Variants in RAB10 observed in about 807,000 individuals in gnomAD.
RAB10 encodes ras-related protein Rab-10.
Under a neutral mutation model 25.7 loss-of-function variants are expected in RAB10, and 5 were observed. The ratio of observed to expected loss-of-function variants is 0.19; its 90% confidence interval spans 0.10 to 0.41. RAB10 has a LOEUF of 0.41. Ranked by LOEUF, RAB10 falls within the 10% of genes least tolerant of loss-of-function variation. RAB10 has a pLI of 1.00. For missense variants in RAB10, 103 were observed against 245.8 expected, an observed-to-expected ratio of 0.42 and a Z score of 3.89; for synonymous variants, 89 against 86.4, an observed-to-expected ratio of 1.03 and a Z score of -0.16.
intron 1 of RAB10, 63 bp from the exon 2 acceptor site, chr2:26,098,599 T>G (rs1488835068): frequency 8.0e-7 from 1 of 1,255,778 alleles, no homozygotes; most frequent in Non-Finnish European, 1.1e-6. Flanking sequence ...TTTACTGTGA[T>G]TAATTTTAGT....
intron 1 of RAB10, among the ~76,000 whole-genome samples, chr2:26,043,463 A>C (rs747294232): frequency 2.0e-5 from 3 of 152,172 alleles, no homozygotes. Flanking sequence ...AGCTATTTGT[A>C]CACCAGCATT....
intron 2 of RAB10, among the ~76,000 whole-genome samples, chr2:26,102,885 T>C (rs1198435773): frequency 6.6e-6 from 1 of 152,238 alleles, no homozygotes; most frequent in Non-Finnish European, 1.5e-5. Flanking sequence ...CAGATAAATA[T>C]TAACTTGAGA....
intron 2 of RAB10, among the ~76,000 whole-genome samples, chr2:26,103,871 TG>T (rs1667410872): frequency 6.6e-6 from 1 of 152,166 alleles, no homozygotes; most frequent in Admixed American, 6.5e-5. Flanking sequence ...TCACTTAGCA[TG>T]AGGTTATCAG....
At chr2:26,052,025 C>T (rs1163401324) in intron 1 of RAB10, among the ~76,000 whole-genome samples, 1 of 151,730 alleles carries the variant, frequency 6.6e-6, no homozygotes, top group African/African-American at 2.4e-5. Flanking sequence ...CCACTGCACT[C>T]CAGCCTGGGC....
At chr2:26,094,706 G>A (rs1667175193) in intron 1 of RAB10, among the ~76,000 whole-genome samples, 1 of 152,142 alleles carries the variant, frequency 6.6e-6, no homozygotes, top group African/African-American at 2.4e-5. Context: ...TTACAGGCAC[G>A]TGCCACCATG....
At chr2:26,125,547 T>C (rs1482489613) in intron 3 of RAB10, among the ~76,000 whole-genome samples, 1 of 150,636 alleles carries the variant, frequency 6.6e-6, no homozygotes, top group African/African-American at 2.4e-5. Context: ...CTTCCCAGGC[T>C]CAAGTGATTC....
At chr2:26,103,930 A>G (rs1667412404) in intron 2 of RAB10, among the ~76,000 whole-genome samples, 1 of 151,942 alleles carries the variant, frequency 6.6e-6, no homozygotes, top group African/African-American at 2.4e-5. Flanking sequence ...TTTTTTTTTA[A>G]TGGCTGAATA....
upstream of RAB10, among the ~76,000 whole-genome samples, chr2:26,033,770 G>C (rs917251871): frequency 2.6e-5 from 4 of 151,982 alleles, no homozygotes; most frequent in Non-Finnish European, 5.9e-5. Context: ...GTGTCCCGGG[G>C]AGCGGGGAGC....
At chr2:26,093,202 A>T (rs1239693815) in intron 1 of RAB10, among the ~76,000 whole-genome samples, 1 of 152,138 alleles carries the variant, frequency 6.6e-6, no homozygotes, top group East Asian at 1.9e-4. Flanking sequence ...TATGGTGAGC[A>T]TTTCCCTACC....
chr2:26,042,355 G>A (rs1306361773), intron 1 of RAB10, among the ~76,000 whole-genome samples: 1 of 152,078 alleles, frequency 6.6e-6, no homozygotes, highest in Non-Finnish European at 1.5e-5. Flanking sequence ...GATTGATTAG[G>A]CTGGGTGCTG....
rs1665717794 is a variant in RAB10 at position 26,034,413 on chromosome 2, G to A, written c.-196G>A. 3 of 689,534 alleles carry A rather than the reference G, an allele frequency of 4.4e-6. No individual in the cohort carries two copies. The highest frequency in any genetic ancestry group is 4.7e-6 in the Non-Finnish European group (2 of 421,484). 42.7% of individuals were successfully genotyped at this position (689,534 alleles called of 1,614,324 possible). ...GAGAGGCTGCGGAGCCGCGGTCGCC[G>A]CCCTCGGAGGCACTGGACGCCGCCA... On this transcript the variant is annotated 5_prime_UTR_variant, in exon 1 of 6. Transcript: ENST00000264710.
intron 1 of RAB10, among the ~76,000 whole-genome samples, chr2:26,044,390 C>G (rs146649933): frequency 3.5e-3 from 539 of 152,194 alleles, no homozygotes; most frequent in African/African-American, 0.012. Context: ...GCAGATTTGT[C>G]TTTTTGTTGT....
In RAB10 at chr2:26,126,798, A is replaced by AGTAT. The variant is rs1396428349; in HGVS notation, c.328-344_328-341dup. ...TGTTTAATTAAGGCTTCTATAGGGT[A>AGTAT]GTATGCATTATAAAATCTGAAATGA... On this transcript the variant is annotated intron_variant, in intron 3 of 5. Coordinates refer to ENST00000264710, the MANE Select transcript of RAB10 (RefSeq NM_016131.5). 3.9e-5 allele frequency among the ~76,000 whole-genome samples: 6 copies of AGTAT among 152,374 alleles called. No individual in the cohort carries two copies. The East Asian group carries it at 1.2e-3, about 29-fold the overall frequency.
intron 1 of RAB10, among the ~76,000 whole-genome samples, chr2:26,066,777 A>ATTTTTTTTTTTTTTT (rs3065544): frequency 1.8e-5 from 2 of 110,242 alleles, no homozygotes; most frequent in African/African-American, 6.8e-5. Context: ...CATGCCATCA[A>ATTTTTTTTTTTTTTT]TTTTTTTTTT....
At chr2:26,113,925 C>G (rs1302931413) in intron 3 of RAB10, among the ~76,000 whole-genome samples, 1 of 152,016 alleles carries the variant, frequency 6.6e-6, no homozygotes, top group Non-Finnish European at 1.5e-5. Context: ...ATATAAAAAT[C>G]AGCTTTATTT....
intron 1 of RAB10, among the ~76,000 whole-genome samples, chr2:26,082,205 T>A (rs1266072483): frequency 6.6e-6 from 1 of 152,012 alleles, no homozygotes; most frequent in African/African-American, 2.4e-5. Flanking sequence ...GGGGAAAAAA[T>A]GGAAGTATAA....
At chr2:26,108,506 G>T (rs13417989) in intron 2 of RAB10, among the ~76,000 whole-genome samples, 2,115 of 152,234 alleles carry the variant, frequency 0.014, 50 homozygotes, top group African/African-American at 0.049. Context: ...GGACTATGGG[G>T]AGTAAAGAGG....
intron 1 of RAB10, among the ~76,000 whole-genome samples, chr2:26,055,012 G>A (rs1666225337): frequency 8.2e-6 from 1 of 121,244 alleles, no homozygotes; most frequent in Non-Finnish European, 1.7e-5. Context: ...TCTGCATTTT[G>A]AGATGAGCAT....
intron 3 of RAB10, among the ~76,000 whole-genome samples, chr2:26,113,901 G>T (rs935915361): frequency 6.6e-6 from 1 of 151,988 alleles, no homozygotes; most frequent in Admixed American, 6.6e-5. Context: ...AAGGTTACAA[G>T]AAATGAGATC....
Sources: gnomAD v4.1 joint callset for allele counts (sites outside exome capture counted in the v4.1 genomes callset) on GRCh38, gnomAD v4.1.1 for gene constraint, MANE v1.5 for transcripts, NCBI Gene and HGNC (gene_info 2026-07-23, HGNC 2026-07-21) for gene names.